Variants in ALK observed in about 807,000 individuals in gnomAD.
ALK encodes the protein ALK receptor tyrosine kinase.
Under a neutral mutation model 163.1 loss-of-function variants are expected in ALK, and 74 were observed. The observed-to-expected ratio is 0.45, with a 90% CI of 0.38 to 0.55. The LOEUF is 0.55. Ranked by LOEUF, ALK falls within the 20% of genes least tolerant of loss-of-function variation. The pLI, the probability that ALK is intolerant of heterozygous loss-of-function variation, is 0.00. For synonymous variants in ALK, 960 were observed against 843.2 expected (o/e 1.14, Z -2.40); for missense variants, 2,063 against 2,105.3 (o/e 0.98, Z 0.39).
At chr2:29,712,003 A>G (rs1395044295) in intron 2 of ALK, among the ~76,000 whole-genome samples, 1 of 152,186 alleles carries the variant, frequency 6.6e-6, no homozygotes. Flanking sequence ...TGCCACCAAC[A>G]TAGAGATAAA....
At chr2:29,334,969 C>A (rs1480559053) in intron 5 of ALK, among the ~76,000 whole-genome samples, 4 of 152,180 alleles carry the variant, frequency 2.6e-5, no homozygotes, top group Non-Finnish European at 5.9e-5. Flanking sequence ...GGCCTGAGTT[C>A]CCAAACAGCA....
At chr2:29,245,922 G>A (rs957729691) in intron 12 of ALK, among the ~76,000 whole-genome samples, 2 of 152,234 alleles carry the variant, frequency 1.3e-5, no homozygotes, top group African/African-American at 4.8e-5. Flanking sequence ...GCGTTGTCCG[G>A]CTGCACACGC....
At chr2:29,514,917 C>T (rs1477306417) in intron 4 of ALK, among the ~76,000 whole-genome samples, 2 of 152,292 alleles carry the variant, frequency 1.3e-5, no homozygotes, top group East Asian at 1.9e-4. Flanking sequence ...AACTGACTTG[C>T]AGTTCCATCC....
chr2:29,369,130 C>A (rs1251879130), intron 5 of ALK, among the ~76,000 whole-genome samples: 4 of 152,156 alleles, frequency 2.6e-5, no homozygotes, highest in African/African-American at 9.7e-5. Flanking sequence ...AAATGCTGGA[C>A]CTTCTTATCT....
intron 11 of ALK, among the ~76,000 whole-genome samples, chr2:29,261,816 T>C (rs1448150906): frequency 2.0e-5 from 3 of 152,232 alleles, no homozygotes; most frequent in African/African-American, 7.2e-5. Context: ...TGTTTAATCT[T>C]ACTTTACCTC....
At chr2:29,419,770 T>C (rs1669972492) in intron 4 of ALK, among the ~76,000 whole-genome samples, 2 of 151,440 alleles carry the variant, frequency 1.3e-5, no homozygotes, top group South Asian at 4.2e-4. Context: ...GTGAGAGGAC[T>C]GTGAAGAATG....
chr2:29,270,657 T>G (rs765025909), intron 11 of ALK, among the ~76,000 whole-genome samples: 119 of 152,144 alleles, frequency 7.8e-4, no homozygotes, highest in African/African-American at 1.8e-3. Context: ...GGGACCCAGA[T>G]GCTGATGATT....
intron 2 of ALK, among the ~76,000 whole-genome samples, chr2:29,706,289 G>T (rs1573571109): frequency 6.6e-6 from 1 of 152,204 alleles, no homozygotes; most frequent in African/African-American, 2.4e-5. Flanking sequence ...CCCAGGCTCC[G>T]ATGATTAGGG....
intron 3 of ALK, among the ~76,000 whole-genome samples, chr2:29,554,342 G>A (rs1367544008): frequency 2.6e-5 from 4 of 152,140 alleles, no homozygotes; most frequent in African/African-American, 9.7e-5. Context: ...AGAGAAAAAA[G>A]CCCTAAATTT....
At chr2:29,821,955 A>G (rs1158950281) in intron 1 of ALK, among the ~76,000 whole-genome samples, 5 of 152,114 alleles carry the variant, frequency 3.3e-5, no homozygotes, top group Non-Finnish European at 5.9e-5. Flanking sequence ...CTTCCTACCT[A>G]TTAGAAAGGA....
At chr2:29,262,068 C>T (rs541600420) in intron 11 of ALK, among the ~76,000 whole-genome samples, 1 of 152,270 alleles carries the variant, frequency 6.6e-6, no homozygotes, top group East Asian at 1.9e-4. Flanking sequence ...ATTTATGGTA[C>T]ATTTCTCCTC....
chr2:29,394,420 C>T (rs895238235), intron 4 of ALK, among the ~76,000 whole-genome samples: 1 of 152,142 alleles, frequency 6.6e-6, no homozygotes, highest in Admixed American at 6.5e-5. Flanking sequence ...TTCTGTTTCT[C>T]TAAATTTTGG....
At chr2:29,700,750 G>T (rs1678709403) in intron 2 of ALK, among the ~76,000 whole-genome samples, 1 of 152,184 alleles carries the variant, frequency 6.6e-6, no homozygotes, top group South Asian at 2.1e-4. Context: ...CATTGTTTTA[G>T]TATGAAGCAC....
chr2:29,876,864 C>T (rs764388386), intron 1 of ALK, among the ~76,000 whole-genome samples: 16 of 152,016 alleles, frequency 1.1e-4, no homozygotes, highest in Non-Finnish European at 7.4e-5. Context: ...CTTTAGAATG[C>T]TCTGTGTTTG....
At chr2:29,747,007 C>T (rs1184674842) in intron 1 of ALK, among the ~76,000 whole-genome samples, 1 of 152,200 alleles carries the variant, frequency 6.6e-6, no homozygotes, top group Non-Finnish European at 1.5e-5. Flanking sequence ...TGTAGGAAGC[C>T]ACCAAGTCCA....
chr2:29,791,421 T>C (rs1175974766), intron 1 of ALK, among the ~76,000 whole-genome samples: 2 of 152,046 alleles, frequency 1.3e-5, no homozygotes, highest in African/African-American at 2.4e-5. Context: ...TAAGTGGGAA[T>C]TGATCAATGA....
At chr2:29,421,454 A>G (rs1670014939) in intron 4 of ALK, among the ~76,000 whole-genome samples, 1 of 151,548 alleles carries the variant, frequency 6.6e-6, no homozygotes, top group Admixed American at 6.6e-5. Flanking sequence ...ACAGCTGAGA[A>G]CATTGAGAGG....
At chr2:29,223,607 GCCTCCC>G in intron 19 of ALK, 79 bp from the exon 20 acceptor site, 1 of 1,447,140 alleles carries the variant, frequency 6.9e-7, no homozygotes, top group Non-Finnish European at 9.5e-7. Context: ...CCTACAGGAA[GCCTCCC>G]TGGATCTCCA....
chr2:29,222,154 GAAAC>G (rs1442079394), intron 22 of ALK, among the ~76,000 whole-genome samples, 186 bp downstream of exon 22: 9 of 152,320 alleles, frequency 5.9e-5, no homozygotes, highest in Non-Finnish European at 1.0e-4. Context: ...CTTTGTTTCT[GAAAC>G]AACCATCAAG....
Sources: gnomAD v4.1 joint callset for allele counts (sites outside exome capture counted in the v4.1 genomes callset) on GRCh38, gnomAD v4.1.1 for gene constraint, MANE v1.5 for transcripts, NCBI Gene and HGNC (gene_info 2026-07-23, HGNC 2026-07-21) for gene names.